The following GTF2IRD2 variants were observed in gnomAD, a reference collection of about 807,000 sequenced individuals.
GTF2IRD2 encodes the protein GTF2I repeat domain containing 2.
A neutral mutation model predicts 49.2 loss-of-function variants in GTF2IRD2; 8 were observed. The ratio of observed to expected loss-of-function variants is 0.16; its 90% confidence interval spans 0.10 to 0.29. GTF2IRD2 has a LOEUF of 0.29. Among genes scored for constraint, GTF2IRD2 ranks in the 10% least tolerant of loss-of-function variants. GTF2IRD2 has a pLI of 1.00. For missense variants in GTF2IRD2, 130 were observed against 725.7 expected (o/e 0.18, Z 9.43); for synonymous variants, 47 against 289.7 (o/e 0.16, Z 8.51).
chr7:74,825,623 C>A (rs1414703649), intron 3 of GTF2IRD2, among the ~76,000 whole-genome samples: 1 of 145,738 alleles, frequency 6.9e-6, no homozygotes, highest in Admixed American at 7.0e-5. Flanking sequence ...AAGACTATAC[C>A]CCTGAACCCA....
rs1797005500 is a variant in GTF2IRD2, at chr7:74,796,893, T to C, written c.2619A>G (p.Gln873=). Residue 873 remains glutamine, a synonymous_variant, in exon 16 of 16, where the codon CAA becomes CAG. Transcript: ENST00000451013. ...ATTTCGTCTTCAGGACCGTGTTGCA[T>C]TGCAGGTCGATAACCTCCATCTGGA... The part of the protein sequence containing the change: ...EELQMEVIDL[Q]CNTVLKTKYD... The C allele has an allele frequency of 4.7e-6, 3 of 644,954 alleles. No homozygotes were observed. Among genetic ancestry groups the C allele is most frequent in the Non-Finnish European group, 8.4e-6 (3 of 356,298 alleles). The allele number at this position is 644,954 out of a possible 1,614,324, so 40.0% of individuals were successfully genotyped here.
At chr7:74,826,818 T>C (rs1799440458) in intron 3 of GTF2IRD2, among the ~76,000 whole-genome samples, 1 of 142,118 alleles carries the variant, frequency 7.0e-6, no homozygotes. Flanking sequence ...TTCAAGCAAT[T>C]CTTGTGCCTC....
intron 8 of GTF2IRD2, among the ~76,000 whole-genome samples, chr7:74,815,797 G>A (rs868971089): frequency 6.4e-3 from 294 of 45,740 alleles, no homozygotes; most frequent in Middle Eastern, 9.6e-3. Context: ...AAAGAAAGAA[G>A]GAAAGAAAGA....
intron 8 of GTF2IRD2, among the ~76,000 whole-genome samples, chr7:74,818,458 C>CTCTTT (rs1280340923): frequency 1.5e-5 from 2 of 129,488 alleles, no homozygotes; most frequent in African/African-American, 6.1e-5. Flanking sequence ...CTCTCTCTCT[C>CTCTTT]TTTTTTTTTT....
intron 1 of GTF2IRD2, among the ~76,000 whole-genome samples, chr7:74,845,402 C>CA (rs1359968856): frequency 6.6e-6 from 1 of 151,072 alleles, no homozygotes; most frequent in Non-Finnish European, 1.5e-5. Context: ...ATGATCTTCC[C>CA]ACCTCAGCCT....
intron 3 of GTF2IRD2, among the ~76,000 whole-genome samples, chr7:74,831,518 C>CACAT (rs2131766130): frequency 6.7e-6 from 1 of 148,896 alleles, no homozygotes; most frequent in Admixed American, 6.8e-5. Flanking sequence ...CACACACACA[C>CACAT]ACACACACAC....
chr7:74,836,081 G>T (rs1800288319), intron 2 of GTF2IRD2, among the ~76,000 whole-genome samples, 199 bp downstream of exon 2: 1 of 136,074 alleles, frequency 7.3e-6, no homozygotes, highest in Non-Finnish European at 1.5e-5. Flanking sequence ...GAACGCAGGA[G>T]AATTGCTTGA....
At position 74,839,968 on chromosome 7, in the gene GTF2IRD2, C is replaced by A. The variant is rs587614070; in HGVS notation, c.-5-3585G>T. Among the ~76,000 whole-genome samples the A allele has an allele frequency of 8.3e-4, 122 of 147,670 alleles. 2 individuals are homozygous for A. The highest frequency in any genetic ancestry group is 2.9e-3 in the African/African-American group (114 of 39,170). ...TGAGCCAAGATTGTGCCACTGCCCT[C>A]CAGGTGGGGCAACAGAGTAAGATTC... On this transcript the variant is annotated intron_variant, in intron 1 of 15. Coordinates refer to ENST00000451013, the MANE Select transcript of GTF2IRD2 (RefSeq NM_173537.5).
At chr7:74,818,647 G>C (rs1219086710) in intron 8 of GTF2IRD2, among the ~76,000 whole-genome samples, 1 of 132,652 alleles carries the variant, frequency 7.5e-6, no homozygotes, top group Admixed American at 7.3e-5. Flanking sequence ...ATGAAGTCTC[G>C]CCATGTTGCC....
intron 3 of GTF2IRD2, among the ~76,000 whole-genome samples, chr7:74,829,891 A>AAAACAAAC (rs1176951187): frequency 3.7e-5 from 5 of 134,190 alleles, no homozygotes; most frequent in Admixed American, 3.1e-4. Flanking sequence ...CTGTCTCAAA[A>AAAACAAAC]AAAAAAAAAA....
chr7:74,842,318 C>T lies in GTF2IRD2; in HGVS notation c.-5-5935G>A, dbSNP rs78704751. 8.2e-5 allele frequency among the ~76,000 whole-genome samples: 11 copies of T among 134,156 alleles called. 1 individual carries two copies. Among genetic ancestry groups the T allele is most frequent in the Admixed American group, 2.2e-4 (3 of 13,416 alleles). The allele number at this position is 134,156 out of a possible 152,430, so 88.0% of individuals were successfully genotyped here. On this transcript the variant is annotated intron_variant, in intron 1 of 15. Coordinates refer to ENST00000451013, the MANE Select transcript of GTF2IRD2 (RefSeq NM_173537.5). ...AATCACAGTTCACTGCAACCTCTGC[C>T]TTCTGGGTTCAAGCGATTCTCCTGC...
chr7:74,806,407 TCACGC>T (rs1554417240), intron 12 of GTF2IRD2, among the ~76,000 whole-genome samples: 1 of 139,010 alleles, frequency 7.2e-6, no homozygotes, highest in African/African-American at 2.6e-5. Flanking sequence ...CCTCCCAGGT[TCACGC>T]CATTCTTCAG....
At chr7:74,836,722 C>T (rs1373773437) in intron 1 of GTF2IRD2, among the ~76,000 whole-genome samples, 7 of 152,362 alleles carry the variant, frequency 4.6e-5, no homozygotes, top group East Asian at 1.9e-4. Flanking sequence ...AGCGCCATCA[C>T]GCCTGGCTGA....
chr7:74,822,482 A>G (rs1554418824), intron 5 of GTF2IRD2, 27 bp from the exon 6 acceptor site: 3 of 765,570 alleles, frequency 3.9e-6, no homozygotes, highest in Non-Finnish European at 6.5e-6. Flanking sequence ...ACCATTACCC[A>G]GCACGGACCA....
At chr7:74,843,037 T>A (rs1409877030) in intron 1 of GTF2IRD2, among the ~76,000 whole-genome samples, 1 of 59,376 alleles carries the variant, frequency 1.7e-5, no homozygotes, top group African/African-American at 8.8e-5. Flanking sequence ...GCAATTCTCC[T>A]GCCTCAGCCT....
chr7:74,829,888 A>AAAAAAACAAAC (rs1491487759), intron 3 of GTF2IRD2, among the ~76,000 whole-genome samples: 10 of 43,504 alleles, frequency 2.3e-4, no homozygotes, highest in African/African-American at 1.1e-3. Context: ...ATTCTGTCTC[A>AAAAAAACAAAC]AAAAAAAAAA....
intron 3 of GTF2IRD2, among the ~76,000 whole-genome samples, chr7:74,831,589 G>A (rs1799875195): frequency 7.4e-6 from 1 of 134,702 alleles, no homozygotes. Context: ...TCCTTTCATG[G>A]TTACAAGGAA....
intron 10 of GTF2IRD2, among the ~76,000 whole-genome samples, chr7:74,809,641 CA>C (rs1328157513): frequency 5.3e-5 from 1 of 18,802 alleles, no homozygotes. Context: ...GATTCTGTCT[CA>C]AAAAAAAAAA....
intron 3 of GTF2IRD2, among the ~76,000 whole-genome samples, chr7:74,826,821 TG>T (rs1375738630): frequency 5.5e-5 from 8 of 144,348 alleles, no homozygotes; most frequent in African/African-American, 2.1e-4. Flanking sequence ...AAGCAATTCT[TG>T]TGCCTCAGCC....
Sources: allele counts gnomAD v4.1 joint callset (sites outside exome capture counted in the v4.1 genomes callset), GRCh38; gene constraint gnomAD v4.1.1; transcripts MANE v1.5; gene names NCBI Gene and HGNC (gene_info 2026-07-23, HGNC 2026-07-21).